Variants in RAD51B observed in about 807,000 individuals in gnomAD.
The protein encoded by RAD51B is DNA repair protein RAD51 homolog 2.
Under a neutral mutation model 42.2 loss-of-function variants are expected in RAD51B, and 38 were observed. The ratio of observed to expected loss-of-function variants is 0.90; its 90% CI spans 0.70 to 1.18. RAD51B has a LOEUF of 1.18. RAD51B is among the 50% of genes most tolerant of loss of function. The pLI is 0.00. For missense variants in RAD51B, 373 were observed against 400.7 expected (o/e 0.93, Z 0.59); for synonymous variants, 154 against 145.2 (o/e 1.06, Z -0.43).
intron 3 of RAD51B, among the ~76,000 whole-genome samples, chr14:67,829,023 T>C (rs954497399): frequency 6.6e-6 from 1 of 152,228 alleles, no homozygotes; most frequent in South Asian, 2.1e-4. Context: ...CTGTGAAGAA[T>C]GTGAATGGTA....
chr14:68,437,651 C>T (rs1174785496), intron 9 of RAD51B, among the ~76,000 whole-genome samples: 1 of 152,014 alleles, frequency 6.6e-6, no homozygotes, highest in East Asian at 1.9e-4. Flanking sequence ...GTGCCAAATG[C>T]TGGGAAAAGT....
At chr14:68,423,122 T>C (rs1351584670) in intron 9 of RAD51B, among the ~76,000 whole-genome samples, 1 of 152,222 alleles carries the variant, frequency 6.6e-6, no homozygotes, top group African/African-American at 2.4e-5. Flanking sequence ...CCAGCTCCCA[T>C]GGTTGTATCC....
At chr14:68,016,202 C>G (rs752359436) in intron 7 of RAD51B, among the ~76,000 whole-genome samples, 1 of 152,030 alleles carries the variant, frequency 6.6e-6, no homozygotes, top group Non-Finnish European at 1.5e-5. Flanking sequence ...TAAGCAAATA[C>G]GGGTAGAAAA....
At chr14:68,320,731 C>T (rs1288409825) in intron 8 of RAD51B, among the ~76,000 whole-genome samples, 2 of 152,202 alleles carry the variant, frequency 1.3e-5, no homozygotes, top group African/African-American at 2.4e-5. Flanking sequence ...AAAAGTTTTA[C>T]TTGGTCAAAC....
At chr14:68,662,259 C>T (rs1347894505) in intron 11 of RAD51B, among the ~76,000 whole-genome samples, 1 of 152,260 alleles carries the variant, frequency 6.6e-6, no homozygotes, top group Non-Finnish European at 1.5e-5. Flanking sequence ...GAGTCTTTCA[C>T]ACCTGCCCCA....
intron 6 of RAD51B, chr14:67,886,761 A>T: frequency 3.3e-6 from 1 of 299,900 alleles, no homozygotes; most frequent in Non-Finnish European, 6.2e-6. Context: ...TGGCTACCAC[A>T]AGTAGTTTTA....
At chr14:68,291,840 T>C (rs183438099) in intron 7 of RAD51B, 44 bp from the exon 8 acceptor site, 17 of 1,463,058 alleles carry the variant, frequency 1.2e-5, no homozygotes, top group Non-Finnish European at 1.5e-5. Context: ...TTCCCTGTCT[T>C]TCTTCTCCCT....
At chr14:67,834,127 G>T (rs2041150511) in intron 3 of RAD51B, among the ~76,000 whole-genome samples, 1 of 152,126 alleles carries the variant, frequency 6.6e-6, no homozygotes, top group Non-Finnish European at 1.5e-5. Flanking sequence ...TCCGTTCCTT[G>T]CCTCTTTCAG....
chr14:68,179,653 AT>A, intron 7 of RAD51B, among the ~76,000 whole-genome samples: 1 of 152,314 alleles, frequency 6.6e-6, no homozygotes, highest in Non-Finnish European at 1.5e-5. Context: ...TAATATTTAT[AT>A]GTCATATGGA....
At chr14:67,901,538 C>T (rs560355291) in intron 7 of RAD51B, among the ~76,000 whole-genome samples, 1 of 152,252 alleles carries the variant, frequency 6.6e-6, no homozygotes, top group South Asian at 2.1e-4. Context: ...AACAATAGAC[C>T]TCTCCTTATG....
chr14:67,951,865 G>T (rs1450428876), intron 7 of RAD51B, among the ~76,000 whole-genome samples: 2 of 152,088 alleles, frequency 1.3e-5, no homozygotes, highest in African/African-American at 4.8e-5. Context: ...TTAGACTGAT[G>T]AAATCATTTT....
chr14:68,182,614 T>G (rs2079078066), intron 7 of RAD51B, among the ~76,000 whole-genome samples: 1 of 152,224 alleles, frequency 6.6e-6, no homozygotes, highest in Non-Finnish European at 1.5e-5. Flanking sequence ...TACACATGGG[T>G]GTTCATGTGG....
At chr14:68,108,446 T>C (rs1595408014) in intron 7 of RAD51B, among the ~76,000 whole-genome samples, 2 of 152,058 alleles carry the variant, frequency 1.3e-5, no homozygotes, top group African/African-American at 2.4e-5. Context: ...ATGAAAGGAA[T>C]AAAGTAGTGA....
At chr14:68,624,460 C>G (rs867672491) in intron 10 of RAD51B, among the ~76,000 whole-genome samples, 1 of 152,104 alleles carries the variant, frequency 6.6e-6, no homozygotes, top group African/African-American at 2.4e-5. Context: ...TCCGGGCCCT[C>G]GATATGCCAG....
chr14:67,992,416 G>T (rs891286650), intron 7 of RAD51B, among the ~76,000 whole-genome samples: 2 of 152,166 alleles, frequency 1.3e-5, no homozygotes, highest in African/African-American at 4.8e-5. Context: ...TGTGCTGGGA[G>T]TTAAGTAGTG....
chr14:68,537,493 C>T (rs989142829), intron 10 of RAD51B, among the ~76,000 whole-genome samples: 4 of 78,392 alleles, frequency 5.1e-5, no homozygotes, highest in African/African-American at 8.5e-5. Context: ...AGCAAGATTT[C>T]GTCTCAAAAA....
chr14:68,382,310 A>C (rs971579854), intron 8 of RAD51B, among the ~76,000 whole-genome samples: 3 of 151,776 alleles, frequency 2.0e-5, no homozygotes, highest in African/African-American at 7.3e-5. Flanking sequence ...ACATTAGCAA[A>C]TACCCTGGGG....
chr14:68,312,030 T>A (rs1047157995), intron 8 of RAD51B, among the ~76,000 whole-genome samples: 3 of 152,256 alleles, frequency 2.0e-5, no homozygotes, highest in African/African-American at 7.2e-5. Context: ...CAATTTTGTC[T>A]ATTTTCAGGG....
intron 7 of RAD51B, among the ~76,000 whole-genome samples, chr14:68,160,069 C>T (rs2078605562): frequency 7.7e-6 from 1 of 129,236 alleles, no homozygotes; most frequent in Non-Finnish European, 1.6e-5. Context: ...AAATCACCCT[C>T]AACCTGGGTT....
Sources: allele counts gnomAD v4.1 joint callset (sites outside exome capture counted in the v4.1 genomes callset), GRCh38; gene constraint gnomAD v4.1.1; transcripts MANE v1.5; gene names NCBI Gene and HGNC (gene_info 2026-07-23, HGNC 2026-07-21).